The following DNAH7 variants were observed in gnomAD, a reference collection of about 807,000 sequenced individuals.
DNAH7 encodes the protein axonemal beta dynein heavy chain 7.
DNAH7 carries 397 observed loss-of-function variants against 444.6 expected under a neutral mutation model. The ratio of observed to expected loss-of-function variants is 0.89; its 90% CI spans 0.82 to 0.97. The LOEUF (loss-of-function observed/expected upper bound fraction) is 0.97. DNAH7 is among the 50% of genes least tolerant of loss of function. DNAH7 has a pLI of 0.00. For synonymous variants in DNAH7, 1,636 were observed against 1,624.4 expected (o/e 1.01, Z -0.17); for missense variants, 4,902 against 4,800.8 (o/e 1.02, Z -0.62).
At position 195,864,452 on chromosome 2, in the gene DNAH7, A is replaced by C; in HGVS notation, c.7203T>G (p.Thr2401=). 1 of 1,614,186 alleles carries C rather than the reference A, an allele frequency of 6.2e-7. No homozygotes were observed. Among genetic ancestry groups the C allele is most frequent in the Non-Finnish European group, 8.5e-7 (1 of 1,180,036 alleles). The part of the protein sequence containing the change: ...EMQGVFLFTD[T]QIKEESFLED... ...CCAGAAAAGACTCTTCTTTAATTTG[A>C]GTATCTGTAAACAGGAAGACACCCT... The change falls in exon 41 of 65, where the codon ACT becomes ACG. Residue 2401 remains threonine, a synonymous_variant. Coordinates refer to ENST00000312428, the MANE Select transcript of DNAH7 (RefSeq NM_018897.3).
chr2:195,880,931 G>A (rs534640099), intron 36 of DNAH7, among the ~76,000 whole-genome samples: 57 of 151,602 alleles, frequency 3.8e-4, no homozygotes, highest in African/African-American at 1.1e-3. Context: ...ATCATGTTAT[G>A]TCTCCATTCC....
intron 44 of DNAH7, 82 bp downstream of exon 44, chr2:195,857,295 T>A (rs1699768317): frequency 1.6e-6 from 2 of 1,255,862 alleles, no homozygotes; most frequent in East Asian, 2.4e-5. Flanking sequence ...CTCACTTACA[T>A]AACTTTTAAA....
intron 1 of DNAH7, among the ~76,000 whole-genome samples, chr2:196,058,970 T>C (rs1214830227): frequency 1.3e-5 from 2 of 152,186 alleles, no homozygotes; most frequent in Non-Finnish European, 2.9e-5. Context: ...TGCTCTAGCA[T>C]AAGGATAAAC....
intron 12 of DNAH7, chr2:195,994,767 A>T: frequency 2.1e-6 from 1 of 470,102 alleles, no homozygotes; most frequent in Non-Finnish European, 4.2e-6. Context: ...CTAACCTTTG[A>T]TTCTCTGAAT....
In DNAH7 at chr2:195,934,809, T is replaced by A. The variant is rs1436124765; in HGVS notation, c.3273-20A>T. The A allele has an allele frequency of 6.2e-7, 1 of 1,612,882 alleles. No individual in the cohort carries two copies. Among genetic ancestry groups the A allele is most frequent in the Admixed American group, 1.7e-5 (1 of 59,912 alleles). ...TGCACCCTGTCAGGAAAAACATTTT[T>A]AAGATAATTAACCAAGTTAAAACAA... On this transcript the variant is annotated intron_variant, in intron 20 of 64. Coordinates refer to ENST00000312428, the MANE Select transcript of DNAH7 (RefSeq NM_018897.3).
intron 47 of DNAH7, among the ~76,000 whole-genome samples, chr2:195,842,777 C>CAGAT (rs1311349141): frequency 6.6e-6 from 1 of 152,084 alleles, no homozygotes; most frequent in Non-Finnish European, 1.5e-5. Flanking sequence ...ATCTTATATG[C>CAGAT]AGATATATCC....
In DNAH7 at chr2:196,020,003, A is replaced by C. The variant is rs187568488; in HGVS notation, c.744-708T>G. 8.4e-4 allele frequency among the ~76,000 whole-genome samples: 117 copies of C among 139,996 alleles called. 1 individual carries two copies. Among genetic ancestry groups the C allele is most frequent in the Non-Finnish European group, 2.3e-4 (15 of 66,472 alleles). The allele number at this position is 139,996 out of a possible 152,430, so 91.8% of individuals were successfully genotyped here. A position where few individuals can be genotyped will look rare whatever the true frequency, so the allele number is the denominator to read the frequency against. On this transcript the variant is annotated intron_variant, in intron 8 of 64. Coordinates refer to ENST00000312428, the MANE Select transcript of DNAH7 (RefSeq NM_018897.3). ...CACCTCCTCTTCCTCCTGCTCCTCTATCACTACCACCACCATGTAAAGATT... is the reference window on the plus strand; with the variant it reads ...CACCTCCTCTTCCTCCTGCTCCTCTCTCACTACCACCACCATGTAAAGATT...
At chr2:195,838,643 T>C (rs969837989) in intron 47 of DNAH7, among the ~76,000 whole-genome samples, 2 of 151,976 alleles carry the variant, frequency 1.3e-5, no homozygotes, top group African/African-American at 4.8e-5. Context: ...GGAGAGACAC[T>C]ATCAGATTGG....
At chr2:195,908,996 A>T (rs1687201190) in intron 25 of DNAH7, among the ~76,000 whole-genome samples, 1 of 152,118 alleles carries the variant, frequency 6.6e-6, no homozygotes, top group Non-Finnish European at 1.5e-5. Context: ...GAAAATTTGG[A>T]AACGTAAACA....
At chr2:196,037,209 C>T (rs73044629) in intron 5 of DNAH7, among the ~76,000 whole-genome samples, 4,176 of 152,102 alleles carry the variant, frequency 0.027, 173 homozygotes, top group African/African-American at 0.095. Flanking sequence ...AGCCAAAGCA[C>T]CCTACCCAGT....
intron 34 of DNAH7, among the ~76,000 whole-genome samples, chr2:195,885,469 C>T (rs982976738): frequency 2.6e-5 from 4 of 152,190 alleles, no homozygotes; most frequent in African/African-American, 7.2e-5. Context: ...CAACCCTATT[C>T]ACCTACTCCT....
chr2:195,956,820 T>C (rs553605268), intron 19 of DNAH7, among the ~76,000 whole-genome samples: 2 of 152,312 alleles, frequency 1.3e-5, no homozygotes, highest in African/African-American at 2.4e-5. Context: ...TTTTTAGATA[T>C]ATTTATCCTT....
At chr2:196,068,451 G>C (rs1164787651) in intron 1 of DNAH7, 2 of 558,728 alleles carry the variant, frequency 3.6e-6, no homozygotes, top group Non-Finnish European at 6.2e-6. Context: ...GGCTCCCCCT[G>C]CTGGCGCGCC....
chr2:195,797,469 G>A (rs1269817975), intron 55 of DNAH7, among the ~76,000 whole-genome samples: 2 of 152,178 alleles, frequency 1.3e-5, no homozygotes, highest in Non-Finnish European at 2.9e-5. Flanking sequence ...GACAGCAAGA[G>A]AAGAGAATGC....
Position 195,779,738 on chromosome 2 carries a change from T to A in DNAH7, c.10879-1753A>T, listed in dbSNP as rs541178459. ...CTCCTACCTCAGCCTCTCAAGTAGC[T>A]GAGACTACAGATATATGCCACCATG... On this transcript the variant is annotated intron_variant, in intron 58 of 64. Transcript: ENST00000312428. 3.7e-4 allele frequency among the ~76,000 whole-genome samples: 56 copies of A among 152,204 alleles called. 1 individual carries two copies. Among genetic ancestry groups the A allele is most frequent in the Middle Eastern group, 6.8e-3 (2 of 294 alleles).
chr2:196,039,035 T>C (rs142199740), intron 5 of DNAH7, among the ~76,000 whole-genome samples: 69 of 152,320 alleles, frequency 4.5e-4, no homozygotes, highest in African/African-American at 1.4e-3. Flanking sequence ...ATGGACCTAA[T>C]AGACATTTGC....
Position 195,906,801 on chromosome 2 carries a change from G to T in DNAH7, c.4208-15C>A. On this transcript the variant is annotated splice_polypyrimidine_tract_variant and intron_variant, in intron 26 of 64. Coordinates refer to ENST00000312428, the MANE Select transcript of DNAH7 (RefSeq NM_018897.3). ...TGCATTAATACCTGTAGGTAATCAG[G>T]AATGAAATGACTTAGTAATACCACA... is the stretch of plus-strand genomic sequence containing the variant. 2 of 1,612,542 alleles carry T rather than the reference G, an allele frequency of 1.2e-6. No individual in the cohort carries two copies. Among genetic ancestry groups the T allele is most frequent in the South Asian group, 1.1e-5 (1 of 90,924 alleles).
intron 47 of DNAH7, among the ~76,000 whole-genome samples, chr2:195,842,143 A>G (rs994793770): frequency 1.3e-5 from 2 of 152,068 alleles, no homozygotes; most frequent in African/African-American, 2.4e-5. Context: ...TATCAGATAC[A>G]GGTCTGATCT....
chr2:195,738,325 C>T (rs1692778372), intron 64 of DNAH7, among the ~76,000 whole-genome samples, 198 bp from the exon 65 acceptor site: 1 of 152,220 alleles, frequency 6.6e-6, no homozygotes, highest in South Asian at 2.1e-4. Flanking sequence ...TAGTTTTCGC[C>T]TTCTCTTTCT....
Sources: allele counts gnomAD v4.1 joint callset (sites outside exome capture counted in the v4.1 genomes callset), GRCh38; gene constraint gnomAD v4.1.1; transcripts MANE v1.5; gene names NCBI Gene and HGNC (gene_info 2026-07-23, HGNC 2026-07-21).